Variants in TP53BP1 observed in about 807,000 individuals in gnomAD.
TP53BP1 encodes the protein TP53-binding protein 1.
TP53BP1 carries 61 observed loss-of-function variants against 200.8 expected under a neutral mutation model. The ratio of observed to expected loss-of-function variants is 0.30; its 90% CI spans 0.25 to 0.38. The LOEUF is 0.38. TP53BP1 is among the 10% of genes least tolerant of loss of function. TP53BP1 has a pLI of 1.00. For missense variants in TP53BP1, 2,144 were observed against 2,371.9 expected (o/e 0.90, Z 2.00); for synonymous variants, 822 against 844.3 (o/e 0.97, Z 0.46).
At chr15:43,458,548 G>T (rs2046355487) in intron 11 of TP53BP1, among the ~76,000 whole-genome samples, 1 of 152,144 alleles carries the variant, frequency 6.6e-6, no homozygotes. Flanking sequence ...GGGAGGCTGA[G>T]GTGGGAAAAC....
At chr15:43,458,174 G>A (rs2046345432) in intron 11 of TP53BP1, among the ~76,000 whole-genome samples, 1 of 152,050 alleles carries the variant, frequency 6.6e-6, no homozygotes, top group African/African-American at 2.4e-5. Flanking sequence ...GCTCACACCT[G>A]TAATCCCAGC....
chr15:43,426,181 C>T (rs969961785), intron 18 of TP53BP1, among the ~76,000 whole-genome samples: 5 of 152,062 alleles, frequency 3.3e-5, no homozygotes, highest in Middle Eastern at 3.4e-3. Flanking sequence ...CAGTGGCTCA[C>T]GCCTGTAATC....
intron 11 of TP53BP1, among the ~76,000 whole-genome samples, chr15:43,461,490 T>C (rs2046430105): frequency 6.6e-6 from 1 of 152,112 alleles, no homozygotes; most frequent in Non-Finnish European, 1.5e-5. Flanking sequence ...AGTGCTGGGA[T>C]TACGGGCATG....
chr15:43,468,001 T>A (rs367894512), intron 11 of TP53BP1, among the ~76,000 whole-genome samples: 4 of 152,234 alleles, frequency 2.6e-5, no homozygotes, highest in African/African-American at 9.6e-5. Context: ...GCCATGCTGG[T>A]CTTGAACTCC....
chr15:43,432,634 TCTC>T lies in TP53BP1; in HGVS notation c.3232_3234del (p.Glu1078del), dbSNP rs1452098833. On this transcript the variant is annotated inframe_deletion, in exon 17 of 28. Coordinates refer to ENST00000382044, the MANE Select transcript of TP53BP1 (RefSeq NM_001141980.3). ...GTATGGTCACCCTCCAATTTTTCTT[TCTC>T]CTCTTCTCCTTGAGAACTTGGAAAG... The T allele has an allele frequency of 6.2e-7, 1 of 1,609,160 alleles. No homozygotes were observed. Among genetic ancestry groups the T allele is most frequent in the Admixed American group, 1.7e-5 (1 of 59,658 alleles).
intron 4 of TP53BP1, among the ~76,000 whole-genome samples, chr15:43,481,647 T>C (rs2078969180): frequency 6.6e-6 from 1 of 151,092 alleles, no homozygotes; most frequent in South Asian, 2.1e-4. Context: ...AAACCCCGTC[T>C]CTACTAAAAA....
chr15:43,471,260 T>C (rs1307629269), intron 10 of TP53BP1, among the ~76,000 whole-genome samples: 2 of 152,020 alleles, frequency 1.3e-5, no homozygotes, highest in East Asian at 1.9e-4. Context: ...ATACACAACA[T>C]GCCAATTATG....
At chr15:43,480,431 G>A (rs2078947274) in intron 5 of TP53BP1, among the ~76,000 whole-genome samples, 2 of 152,026 alleles carry the variant, frequency 1.3e-5, no homozygotes, top group South Asian at 4.2e-4. Flanking sequence ...CTGGGCAACA[G>A]AGCAAGACTC....
Position 43,456,706 on chromosome 15 carries a change from C to A in TP53BP1, c.1902G>T (p.Pro634=). Residue 634 remains proline, a synonymous_variant, in exon 12 of 28, where the codon CCG becomes CCT. Transcript: ENST00000382044. ...LTCDSGSQAV[P]SPATRSEALS... ...GTGCCTCAGATCGAGTAGCTGGTGACGGAACTGCCTGACTCCCCGAATCAC... is the reference window on the plus strand; with the variant it reads ...GTGCCTCAGATCGAGTAGCTGGTGAAGGAACTGCCTGACTCCCCGAATCAC... 6.2e-7 allele frequency: 1 copy of A among 1,614,088 alleles called. No homozygotes were observed.
At chr15:43,423,000 A>G (rs780350883) in intron 18 of TP53BP1, among the ~76,000 whole-genome samples, 1 of 151,236 alleles carries the variant, frequency 6.6e-6, no homozygotes, top group African/African-American at 2.4e-5. Context: ...TCTCAACAAC[A>G]ACAACAACAA....
At chr15:43,408,511 T>C (rs2044998894) in intron 26 of TP53BP1, 1 of 268,426 alleles carries the variant, frequency 3.7e-6, no homozygotes, top group Non-Finnish European at 7.2e-6. Context: ...AGGGTCCCCC[T>C]TCTCTTCCTT....
intron 11 of TP53BP1, among the ~76,000 whole-genome samples, chr15:43,468,324 T>C (rs1013997399): frequency 6.6e-6 from 1 of 151,998 alleles, no homozygotes; most frequent in Non-Finnish European, 1.5e-5. Flanking sequence ...AGAGGAGGAT[T>C]GCTTGAGCCC....
intron 11 of TP53BP1, among the ~76,000 whole-genome samples, chr15:43,459,443 G>T (rs1041846716): frequency 6.6e-6 from 1 of 152,066 alleles, no homozygotes; most frequent in African/African-American, 2.4e-5. Context: ...TAATTGAATA[G>T]ATTATTCAAA....
At chr15:43,488,729 A>T (rs899146176) in intron 4 of TP53BP1, among the ~76,000 whole-genome samples, 1 of 152,136 alleles carries the variant, frequency 6.6e-6, no homozygotes, top group Non-Finnish European at 1.5e-5. Flanking sequence ...CCCCATCTCT[A>T]CTAAAAATAC....
chr15:43,460,870 A>C (rs2046412788), intron 11 of TP53BP1, among the ~76,000 whole-genome samples: 3 of 151,982 alleles, frequency 2.0e-5, no homozygotes, highest in African/African-American at 7.3e-5. Context: ...CAAAAAAAAA[A>C]AAAACATTAG....
chr15:43,463,914 C>G (rs770523086), intron 11 of TP53BP1, among the ~76,000 whole-genome samples: 44 of 152,192 alleles, frequency 2.9e-4, no homozygotes, highest in African/African-American at 1.1e-3. Flanking sequence ...CCCAACCCCC[C>G]TTCCCACCCA....
upstream of TP53BP1, among the ~76,000 whole-genome samples, chr15:43,495,041 A>G (rs1433050108): frequency 6.6e-6 from 1 of 151,978 alleles, no homozygotes; most frequent in South Asian, 2.1e-4. Flanking sequence ...ATACGAAAAA[A>G]ATTAGCTGGG....
At chr15:43,503,150 C>CGTGT (rs750017981) in intron 1 of TP53BP1, among the ~76,000 whole-genome samples, 1 of 152,140 alleles carries the variant, frequency 6.6e-6, no homozygotes, top group Non-Finnish European at 1.5e-5. Flanking sequence ...TAAATGGGTG[C>CGTGT]GTGTGTGTGT....
intron 17 of TP53BP1, among the ~76,000 whole-genome samples, chr15:43,429,278 C>T (rs1016007205): frequency 1.3e-4 from 20 of 152,140 alleles, no homozygotes; most frequent in African/African-American, 3.6e-4. Context: ...CTAGGACCTG[C>T]CTGTGGCTAA....
Sources: gnomAD v4.1 joint callset for allele counts (sites outside exome capture counted in the v4.1 genomes callset) on GRCh38, gnomAD v4.1.1 for gene constraint, MANE v1.5 for transcripts, NCBI Gene and HGNC (gene_info 2026-07-23, HGNC 2026-07-21) for gene names.